Variants in SI observed in about 807,000 individuals in gnomAD.
SI encodes sucrase-isomaltase, intestinal.
SI carries 235 observed loss-of-function variants against 253.3 expected under a neutral mutation model. The observed-to-expected ratio is 0.93, with a 90% CI of 0.83 to 1.03. The LOEUF is 1.03. Among genes scored for constraint, SI ranks in the 50% least tolerant of loss-of-function variants. The pLI is 0.00. For synonymous variants in SI, 819 were observed against 712.0 expected, an observed-to-expected ratio of 1.15 and a Z score of -2.39; for missense variants, 2,442 against 2,211.1, an observed-to-expected ratio of 1.10 and a Z score of -2.09.
intron 37 of SI, among the ~76,000 whole-genome samples, chr3:165,006,109 GT>G (rs1718497705): frequency 6.6e-6 from 1 of 152,002 alleles, no homozygotes; most frequent in Non-Finnish European, 1.5e-5. Context: ...TTTATTTTAT[GT>G]TTTTATTTTT....
In SI at chr3:164,992,227, G is replaced by T; in HGVS notation, c.4933C>A (p.Gln1645Lys). ...TTGGGGACGTAGGCATTTACAGTTT[G>T]AACATACTGGAATGTAAATAAATAG... Reference protein sequence around the residue: ...MVTPVLEPYVQTVNAYVPNAR... With the variant: ...MVTPVLEPYVKTVNAYVPNAR... Residue 1645 changes from glutamine to lysine, a missense_variant, in exon 43 of 48, where the codon CAA becomes AAA. By Grantham distance (53) the Gln-to-Lys change is moderately conservative. Transcript: ENST00000264382. The T allele has an allele frequency of 6.2e-7, 1 of 1,612,550 alleles. No individual in the cohort carries two copies. The highest frequency in any genetic ancestry group is 8.5e-7 in the Non-Finnish European group (1 of 1,179,246).
rs71632409 is a variant in SI, at chr3:165,065,464, A to AATATATAG, written c.636-33_636-32insCTATATAT. 39 of 209,704 alleles carry AATATATAG rather than the reference A, an allele frequency of 1.9e-4. 3 individuals are homozygous for AATATATAG. The highest frequency in any genetic ancestry group is 6.8e-4 in the African/African-American group (16 of 23,654). 13.0% of individuals were successfully genotyped at this position (209,704 alleles called of 1,614,324 possible). Reference sequence around the variant, plus strand: ...CATAAAAGAAATAAAGAAATAATCTAATATATATATATATATATATATATA... The same window carrying AATATATAG: ...CATAAAAGAAATAAAGAAATAATCTAATATATAGATATATATATATATATATATATATA... On this transcript the variant is annotated intron_variant, in intron 6 of 47. Transcript: ENST00000264382.
chr3:164,995,505 A>C (rs1717971496), intron 40 of SI, among the ~76,000 whole-genome samples: 2 of 151,948 alleles, frequency 1.3e-5, no homozygotes, highest in South Asian at 4.1e-4. Context: ...ATTTAAACTT[A>C]AGTAGAGTTT....
At chr3:165,019,914 A>G (rs1450601626) in intron 27 of SI, 144 bp from the exon 28 acceptor site, 2 of 751,902 alleles carry the variant, frequency 2.7e-6, no homozygotes, top group Non-Finnish European at 4.5e-6. Flanking sequence ...CCAAATGGAA[A>G]TAGATGATTA....
intron 1 of SI, among the ~76,000 whole-genome samples, chr3:165,076,235 C>G (rs1016308340): frequency 2.6e-5 from 4 of 151,510 alleles, no homozygotes; most frequent in Non-Finnish European, 4.4e-5. Context: ...GCAACACATG[C>G]AATTTAAAGT....
intron 13 of SI, among the ~76,000 whole-genome samples, chr3:165,052,955 A>G (rs28726340): frequency 0.28 from 42,253 of 150,778 alleles, 7,538 homozygotes; most frequent in East Asian, 0.71. Context: ...TAAATTATTC[A>G]GTTTTTTCAT....
chr3:165,074,699 C>G (rs1486604890), intron 2 of SI, 32 bp from the exon 3 acceptor site: 1 of 1,555,334 alleles, frequency 6.4e-7, no homozygotes, highest in Admixed American at 1.7e-5. Context: ...TAAAATAAAA[C>G]ATGACATTAA....
rs559449919 is a variant in SI at position 165,009,894 on chromosome 3, A to G, written c.4063-499T>C. ...AACAGAGAAGAGGTGTTTTATTCCA[A>G]TCTCTACTAAGAATATTCCCTACTT... On this transcript the variant is annotated intron_variant, in intron 34 of 47. Transcript: ENST00000264382. 3.2e-4 allele frequency among the ~76,000 whole-genome samples: 48 copies of G among 152,174 alleles called. No individual in the cohort carries two copies. In the South Asian group the frequency reaches 9.1e-3, roughly 29 times the overall value.
chr3:165,055,287 T>C lies in SI; in HGVS notation c.1419A>G (p.Val473=), dbSNP rs780144269. ...AGTTTGGGTTAGTGAAATCAGGGTA[T>C]ACTGTTAATCCTGGCCATACCTAGA... is the stretch of plus-strand genomic sequence containing the variant. The part of the protein sequence containing the change: ...IIGEVWPGLT[V]YPDFTNPNCI... The change falls in exon 13 of 48, where the codon GTA becomes GTG. Residue 473 remains valine (V), a synonymous_variant. Transcript: ENST00000264382. 58 of 1,599,964 alleles carry C rather than the reference T, an allele frequency of 3.6e-5. 1 individual carries two copies. The South Asian group carries it at 5.4e-4, about 15-fold the overall frequency.
chr3:165,020,858 A>G (rs1177489422), intron 27 of SI, among the ~76,000 whole-genome samples: 1 of 151,716 alleles, frequency 6.6e-6, no homozygotes, highest in Non-Finnish European at 1.5e-5. Flanking sequence ...TCAAGCACCA[A>G]TAAACTATTT....
At chr3:165,042,292 C>T (rs1174061365) in intron 17 of SI, among the ~76,000 whole-genome samples, 1 of 152,024 alleles carries the variant, frequency 6.6e-6, no homozygotes, top group Non-Finnish European at 1.5e-5. Flanking sequence ...TTCCATCATG[C>T]CTCCTTCCAG....
At chr3:165,064,175 T>A (rs1462340885) in intron 7 of SI, among the ~76,000 whole-genome samples, 4 of 152,076 alleles carry the variant, frequency 2.6e-5, no homozygotes, top group Non-Finnish European at 5.9e-5. Context: ...CCCAAGGTAC[T>A]GCAGGAGCTT....
intron 26 of SI, among the ~76,000 whole-genome samples, chr3:165,022,852 A>G (rs1180209208): frequency 6.6e-6 from 1 of 151,684 alleles, no homozygotes; most frequent in Non-Finnish European, 1.5e-5. Context: ...CGACTGAGCT[A>G]AAGTGAATTA....
At position 165,059,939 on chromosome 3, in the gene SI, TC is replaced by T; in HGVS notation, c.1108del (p.Glu370LysfsTer3). The T allele has an allele frequency of 6.2e-7, 1 of 1,612,306 alleles. No individual in the cohort carries two copies. The highest frequency in any genetic ancestry group is 8.5e-7 in the Non-Finnish European group (1 of 1,178,746). ...AGCTTCCCGGTTTCTCCTTACCACTTCTTTCACTACATCTAGTGACTTATAA... is the reference window on the plus strand; with the variant it reads ...AGCTTCCCGGTTTCTCCTTACCACTTTTTCACTACATCTAGTGACTTATAA... ...WNYKSLDVVKEVVRRNREAGI... is the reference protein window; with the variant it reads ...WNYKSLDVVKXVVRRNREAGI... On this transcript the variant is annotated frameshift_variant, in exon 10 of 48. Coordinates refer to ENST00000264382, the MANE Select transcript of SI (RefSeq NM_001041.4). LOFTEE classifies it high-confidence loss of function.
chr3:165,087,182 G>A, the SI span, among the ~76,000 whole-genome samples: 3 of 151,516 alleles, frequency 2.0e-5, no homozygotes, highest in Non-Finnish European at 4.4e-5. Flanking sequence ...AGAATGGGTA[G>A]AAATATGTTT....
chr3:165,035,739 A>AGAAAC (rs1187953304), intron 22 of SI, among the ~76,000 whole-genome samples: 2 of 151,524 alleles, frequency 1.3e-5, no homozygotes, highest in Admixed American at 1.3e-4. Flanking sequence ...CTCTATTAGA[A>AGAAAC]GAAACGAGAT....
Position 165,015,233 on chromosome 3 carries a change from C to T in SI, c.3889G>A (p.Asp1297Asn), listed in dbSNP as rs865882726. 6.2e-7 allele frequency: 1 copy of T among 1,606,316 alleles called. No individual in the cohort carries two copies. The highest frequency in any genetic ancestry group is 1.1e-5 in the South Asian group (1 of 90,910). ...GTTTCATTTCCTGAAATTGCTGGAT[C>T]CTAAAATTAAAATGAAATATAAACA... ...GEGMRYIIIL[D>N]PAISGNETKT... Residue 1297 changes from aspartate to asparagine, a missense_variant and splice_region_variant, in exon 33 of 48, where the codon GAT becomes AAT. By Grantham distance (23) the Asp-to-Asn change is conservative (BLOSUM62 1). Transcript: ENST00000264382.
intron 3 of SI, among the ~76,000 whole-genome samples, chr3:165,070,195 G>T (rs1714471374): frequency 1.4e-5 from 2 of 140,818 alleles, no homozygotes; most frequent in African/African-American, 2.7e-5. Flanking sequence ...TATATATAAA[G>T]TATATATTAT....
chr3:165,030,540 T>C (rs1712174439), intron 25 of SI, among the ~76,000 whole-genome samples, 172 bp downstream of exon 25: 1 of 150,920 alleles, frequency 6.6e-6, no homozygotes, highest in African/African-American at 2.4e-5. Flanking sequence ...CTTTGGATAA[T>C]TAATTAAGAT....
Sources: gnomAD v4.1 joint callset for allele counts (sites outside exome capture counted in the v4.1 genomes callset) on GRCh38, gnomAD v4.1.1 for gene constraint, MANE v1.5 for transcripts, NCBI Gene and HGNC (gene_info 2026-07-23, HGNC 2026-07-21) for gene names.